The following IKZF1 variants were observed in gnomAD, a reference collection of about 807,000 sequenced individuals.
The protein encoded by IKZF1 is IKAROS family zinc finger 1, also known as DNA-binding protein Ikaros.
In IKZF1, 10 loss-of-function variants were observed where a neutral mutation model predicts 51.7. The ratio of observed to expected loss-of-function variants is 0.19; its 90% CI spans 0.12 to 0.33. The LOEUF is 0.33. IKZF1 is among the 10% of genes least tolerant of loss of function. The probability of loss-of-function intolerance (pLI) is 1.00; values close to 1 mark genes in which losing one functional copy is unlikely to be tolerated. For missense variants in IKZF1, 484 were observed against 707.5 expected (o/e 0.68, Z 3.58); for synonymous variants, 280 against 282.3 (o/e 0.99, Z 0.08).
chr7:50,370,328 C>G (rs1808287177), intron 3 of IKZF1, among the ~76,000 whole-genome samples: 1 of 152,204 alleles, frequency 6.6e-6, no homozygotes. Flanking sequence ...CAGGTGGGGA[C>G]TAACAGTGTA....
chr7:50,379,576 G>A (rs980600769), intron 4 of IKZF1, among the ~76,000 whole-genome samples: 5 of 152,204 alleles, frequency 3.3e-5, no homozygotes, highest in Non-Finnish European at 4.4e-5. Context: ...AAGGAAGCAG[G>A]AAATGCAGGG....
In IKZF1 at chr7:50,322,910, T is replaced by C. The variant is rs115401372; in HGVS notation, c.40+3809T>C. On this transcript the variant is annotated intron_variant, in intron 2 of 7. Transcript: ENST00000331340. Reference sequence around the variant, plus strand: ...TGGCACCTGTGACCCTAAATAGATATTGGATATTGGTTTAATGCTATTTGT... The same window carrying C: ...TGGCACCTGTGACCCTAAATAGATACTGGATATTGGTTTAATGCTATTTGT... Among the ~76,000 whole-genome samples, 662 of 152,206 alleles carry C rather than the reference T, an allele frequency of 4.3e-3. 7 individuals are homozygous for C. Among genetic ancestry groups the C allele is most frequent in the African/African-American group, 0.015 (635 of 41,522 alleles).
rs1805464162 is a variant in IKZF1, at chr7:50,362,215, A to C, written c.161-14318A>C. Among the ~76,000 whole-genome samples, 2 of 152,214 alleles carry C rather than the reference A, an allele frequency of 1.3e-5. 1 individual carries two copies. Among genetic ancestry groups the C allele is most frequent in the South Asian group, 4.1e-4 (2 of 4,834 alleles). On this transcript the variant is annotated intron_variant, in intron 3 of 7. Coordinates refer to ENST00000331340, the MANE Select transcript of IKZF1 (RefSeq NM_006060.6). ...AGCATAGTGACTTTGGCCATCACTG[A>C]CATGTCCCATTTGAAGCAACCAAAA...
chr7:50,360,822 G>T (rs914376168), intron 3 of IKZF1, among the ~76,000 whole-genome samples: 1 of 152,188 alleles, frequency 6.6e-6, no homozygotes, highest in Non-Finnish European at 1.5e-5. Context: ...TCACCATGTG[G>T]CTCTGCCCGG....
chr7:50,319,826 G>A (rs1196845950), intron 2 of IKZF1, among the ~76,000 whole-genome samples: 2 of 152,204 alleles, frequency 1.3e-5, no homozygotes, highest in African/African-American at 4.8e-5. Context: ...CAGCCCCAGA[G>A]GCTGACTTAT....
intron 3 of IKZF1, among the ~76,000 whole-genome samples, chr7:50,329,696 A>G (rs1796009273): frequency 6.6e-6 from 1 of 152,192 alleles, no homozygotes. Flanking sequence ...TGCTTAACAC[A>G]GGAGCAAACA....
intron 1 of IKZF1, among the ~76,000 whole-genome samples, chr7:50,306,546 T>G (rs1034169138): frequency 5.3e-5 from 8 of 152,078 alleles, no homozygotes; most frequent in Non-Finnish European, 7.4e-5. Context: ...ACCCTCAGGG[T>G]CTCCAGGAGA....
intron 2 of IKZF1, among the ~76,000 whole-genome samples, chr7:50,325,525 A>T (rs1476580711): frequency 6.6e-6 from 1 of 152,216 alleles, no homozygotes; most frequent in Non-Finnish European, 1.5e-5. Context: ...CTGTAATCCC[A>T]GCGCTTGGGA....
chr7:50,382,329 T>C (rs1439873855), intron 4 of IKZF1, among the ~76,000 whole-genome samples: 2 of 152,142 alleles, frequency 1.3e-5, no homozygotes, highest in Non-Finnish European at 2.9e-5. Context: ...CCATTCTGAT[T>C]TAGGGAAAAA....
chr7:50,394,958 TA>T (rs1163290830), intron 7 of IKZF1, among the ~76,000 whole-genome samples: 1 of 152,166 alleles, frequency 6.6e-6, no homozygotes, highest in African/African-American at 2.4e-5. Flanking sequence ...GGAACGTTTT[TA>T]AAATAGAGAA....
chr7:50,325,446 A>G (rs1219331682), intron 2 of IKZF1, among the ~76,000 whole-genome samples: 1 of 152,026 alleles, frequency 6.6e-6, no homozygotes, highest in Non-Finnish European at 1.5e-5. Flanking sequence ...AGAGGTGAAA[A>G]CGCTAAGATA....
chr7:50,368,982 A>G (rs1312979668), intron 3 of IKZF1: 1 of 222,862 alleles, frequency 4.5e-6, no homozygotes, highest in Non-Finnish European at 9.0e-6. Context: ...ATTTAACAGT[A>G]TCAAAGTACA....
At position 50,335,836 on chromosome 7, in the gene IKZF1, C is replaced by A. The variant is rs982558167; in HGVS notation, c.160+8079C>A. On this transcript the variant is annotated intron_variant, in intron 3 of 7. Transcript: ENST00000331340. ...CTGGGGTGTTTGCTGTGCCTGGGAG[C>A]AGGCCATGTGGGTAGGTAGGCCTGG... Among the ~76,000 whole-genome samples the A allele has an allele frequency of 2.0e-3, 299 of 152,010 alleles. 8 individuals carry two copies. The East Asian group carries it at 0.053, about 27-fold the overall frequency.
intron 3 of IKZF1, among the ~76,000 whole-genome samples, chr7:50,361,756 G>A (rs1375496772): frequency 6.6e-6 from 1 of 152,026 alleles, no homozygotes; most frequent in African/African-American, 2.4e-5. Flanking sequence ...CGCGCCTGTA[G>A]TCCCAGCTAC....
rs1162746898 is a variant in IKZF1 at position 50,405,001 on chromosome 7, G to T, written c.*4374G>T. ...AATTGGGAATTAAAAATCAGGACTGGGGACTGGGAGACCAAAAATTTCTGA... is the reference window on the plus strand; with the variant it reads ...AATTGGGAATTAAAAATCAGGACTGTGGACTGGGAGACCAAAAATTTCTGA... On this transcript the variant is annotated 3_prime_UTR_variant, in exon 8 of 8. Transcript: ENST00000331340. 2.0e-5 allele frequency: 4 copies of T among 202,108 alleles called. No homozygotes were observed. The highest frequency in any genetic ancestry group is 4.6e-5 in the African/African-American group (2 of 43,556). The allele number at this position is 202,108 out of a possible 1,614,324, so 12.5% of individuals were successfully genotyped here. A position where few individuals can be genotyped will look rare whatever the true frequency, so the allele number is the denominator to read the frequency against.
At chr7:50,314,175 A>G (rs149158165) in intron 1 of IKZF1, among the ~76,000 whole-genome samples, 5 of 152,258 alleles carry the variant, frequency 3.3e-5, no homozygotes, top group East Asian at 1.9e-4. Context: ...CAGTGGCACA[A>G]TCTCAGCTCA....
intron 3 of IKZF1, among the ~76,000 whole-genome samples, chr7:50,343,088 T>G (rs1341566393): frequency 6.6e-6 from 1 of 151,572 alleles, no homozygotes; most frequent in Non-Finnish European, 1.5e-5. Flanking sequence ...TCTCCTTTCT[T>G]TCCTTCCTTC....
At chr7:50,380,056 G>A (rs775079963) in intron 4 of IKZF1, among the ~76,000 whole-genome samples, 4 of 152,196 alleles carry the variant, frequency 2.6e-5, no homozygotes, top group Admixed American at 6.5e-5. Context: ...GAAGGCAAAT[G>A]ATGGACCCCG....
At chr7:50,319,642 A>C in intron 2 of IKZF1, among the ~76,000 whole-genome samples, 1 of 152,182 alleles carries the variant, frequency 6.6e-6, no homozygotes, top group East Asian at 1.9e-4. Flanking sequence ...ATTTGGCAGC[A>C]CTGAGGGTGG....
Sources: gnomAD v4.1 joint callset for allele counts (sites outside exome capture counted in the v4.1 genomes callset) on GRCh38, gnomAD v4.1.1 for gene constraint, MANE v1.5 for transcripts, NCBI Gene and HGNC (gene_info 2026-07-23, HGNC 2026-07-21) for gene names.